Variants in NKAIN3 observed in about 807,000 individuals in gnomAD.
NKAIN3 encodes the protein sodium/potassium-transporting ATPase subunit beta-1-interacting protein 3.
In NKAIN3, 25 loss-of-function variants were observed where a neutral mutation model predicts 30.2. The ratio of observed to expected loss-of-function variants is 0.83; its 90% CI spans 0.60 to 1.16. NKAIN3 has a LOEUF of 1.16. Among genes scored for constraint, NKAIN3 ranks in the 50% most tolerant of loss-of-function variants. NKAIN3 has a pLI of 0.00. For missense variants in NKAIN3, 225 were observed against 254.1 expected (o/e 0.89, Z 0.78); for synonymous variants, 91 against 89.6 (o/e 1.02, Z -0.09).
chr8:62,331,902 G>T (rs770967730), intron 1 of NKAIN3, among the ~76,000 whole-genome samples: 3 of 152,036 alleles, frequency 2.0e-5, no homozygotes, highest in Admixed American at 6.6e-5. Context: ...GTCACCTAAT[G>T]TCTTCTTTGA....
chr8:62,473,012 C>T (rs989449337), intron 1 of NKAIN3, among the ~76,000 whole-genome samples: 1 of 152,192 alleles, frequency 6.6e-6, no homozygotes, highest in Non-Finnish European at 1.5e-5. Context: ...TATACATTTC[C>T]AGTGGTCGAT....
At chr8:62,856,019 G>A (rs1586274076) in intron 4 of NKAIN3, 3 of 685,122 alleles carry the variant, frequency 4.4e-6, no homozygotes, top group Non-Finnish European at 8.0e-6. Context: ...TGAACAGGGA[G>A]GGCCTCAGAT....
intron 1 of NKAIN3, among the ~76,000 whole-genome samples, chr8:62,328,669 A>G (rs925413378): frequency 6.6e-6 from 1 of 152,168 alleles, no homozygotes; most frequent in Non-Finnish European, 1.5e-5. Flanking sequence ...GGATTAAAAA[A>G]GATATTTTAC....
intron 3 of NKAIN3, among the ~76,000 whole-genome samples, chr8:62,594,173 A>G (rs950429516): frequency 5.3e-5 from 8 of 152,040 alleles, no homozygotes; most frequent in African/African-American, 1.9e-4. Flanking sequence ...GCTCAGGATC[A>G]ATCTATCAAA....
At chr8:62,285,384 T>C (rs956711781) in intron 1 of NKAIN3, among the ~76,000 whole-genome samples, 4 of 152,196 alleles carry the variant, frequency 2.6e-5, no homozygotes, top group African/African-American at 7.2e-5. Flanking sequence ...CTAGCTTTGT[T>C]GTATCTCATT....
At chr8:62,334,370 A>C (rs909950291) in intron 1 of NKAIN3, among the ~76,000 whole-genome samples, 1 of 152,130 alleles carries the variant, frequency 6.6e-6, no homozygotes, top group East Asian at 1.9e-4. Context: ...TAGATGCATC[A>C]CTCCAATCTC....
At chr8:62,404,614 A>G (rs193168852) in intron 1 of NKAIN3, among the ~76,000 whole-genome samples, 8 of 152,148 alleles carry the variant, frequency 5.3e-5, no homozygotes, top group Admixed American at 3.3e-4. Context: ...TTCCTTCACC[A>G]TGATTTTAAG....
At chr8:62,591,235 GA>G (rs573986876) in intron 3 of NKAIN3, among the ~76,000 whole-genome samples, 5 of 151,734 alleles carry the variant, frequency 3.3e-5, no homozygotes, top group Non-Finnish European at 5.9e-5. Context: ...TTGTCCTATG[GA>G]ATTGGCTTCA....
At chr8:62,888,708 G>C (rs1372707665) in intron 4 of NKAIN3, among the ~76,000 whole-genome samples, 2 of 152,092 alleles carry the variant, frequency 1.3e-5, no homozygotes, top group South Asian at 2.1e-4. Flanking sequence ...CTAACTTTAG[G>C]CATCTTTAAA....
At chr8:62,320,795 C>T (rs538432006) in intron 1 of NKAIN3, among the ~76,000 whole-genome samples, 16 of 152,286 alleles carry the variant, frequency 1.1e-4, no homozygotes, top group South Asian at 8.3e-4. Flanking sequence ...TTTCGTGAAT[C>T]TGACAATTAT....
chr8:62,761,570 T>A (rs1404178157), intron 4 of NKAIN3, among the ~76,000 whole-genome samples: 1 of 152,210 alleles, frequency 6.6e-6, no homozygotes, highest in Admixed American at 6.5e-5. Flanking sequence ...TCAAGTTAAA[T>A]GAATTGACTG....
chr8:62,739,594 A>T (rs567145742), intron 3 of NKAIN3, among the ~76,000 whole-genome samples: 42 of 152,002 alleles, frequency 2.8e-4, no homozygotes, highest in East Asian at 1.5e-3. Flanking sequence ...GTTTTTTTTT[A>T]AAATAATAGC....
At position 62,970,171 on chromosome 8, in the gene NKAIN3, G is replaced by A. The variant is rs914217288; in HGVS notation, c.*4764G>A. ...GAGCCCAGGAATTAGAGGCTGCAGT[G>A]AGTGCACTACTGCACTCCAGCCTAG... On this transcript the variant is annotated 3_prime_UTR_variant, in exon 7 of 7. Coordinates refer to ENST00000623646, the MANE Select transcript of NKAIN3 (RefSeq NM_001304533.3). Among the ~76,000 whole-genome samples the A allele has an allele frequency of 1.3e-5, 2 of 152,072 alleles. No homozygotes were observed. The highest frequency in any genetic ancestry group is 4.8e-5 in the African/African-American group (2 of 41,400).
intron 1 of NKAIN3, among the ~76,000 whole-genome samples, chr8:62,462,917 A>C (rs1304336717): frequency 6.6e-6 from 1 of 152,176 alleles, no homozygotes; most frequent in Non-Finnish European, 1.5e-5. Context: ...TTCACTTCAT[A>C]GAATGAGTGA....
chr8:62,532,250 G>A (rs1447983159), intron 1 of NKAIN3, among the ~76,000 whole-genome samples: 1 of 152,176 alleles, frequency 6.6e-6, no homozygotes, highest in Non-Finnish European at 1.5e-5. Context: ...GTCAAGGACA[G>A]CCTCATGGTA....
chr8:62,568,835 C>G (rs1809835262), intron 1 of NKAIN3, among the ~76,000 whole-genome samples: 2 of 152,154 alleles, frequency 1.3e-5, no homozygotes, highest in Admixed American at 6.6e-5. Context: ...AAACAGAATT[C>G]AAGTAGCCTT....
At chr8:62,582,414 A>C (rs1182760199) in intron 2 of NKAIN3, among the ~76,000 whole-genome samples, 1 of 152,118 alleles carries the variant, frequency 6.6e-6, no homozygotes, top group African/African-American at 2.4e-5. Flanking sequence ...GTTAAATTGC[A>C]ACTGCGATAA....
chr8:62,706,568 CT>C (rs1814528338), intron 3 of NKAIN3, among the ~76,000 whole-genome samples: 1 of 151,996 alleles, frequency 6.6e-6, no homozygotes, highest in East Asian at 1.9e-4. Flanking sequence ...TTTCCCCATC[CT>C]TGTGGTTTAT....
At chr8:62,447,286 G>T (rs1805514412) in intron 1 of NKAIN3, among the ~76,000 whole-genome samples, 2 of 151,878 alleles carry the variant, frequency 1.3e-5, no homozygotes, top group Admixed American at 1.3e-4. Flanking sequence ...TGAAAATATT[G>T]TATTTAATTT....
Sources: gnomAD v4.1 joint callset for allele counts (sites outside exome capture counted in the v4.1 genomes callset) on GRCh38, gnomAD v4.1.1 for gene constraint, MANE v1.5 for transcripts, NCBI Gene and HGNC (gene_info 2026-07-23, HGNC 2026-07-21) for gene names.